The following OMA1 variants were observed in gnomAD, a reference collection of about 807,000 sequenced individuals.
OMA1 encodes the protein metalloendopeptidase OMA1, mitochondrial.
OMA1 carries 38 observed loss-of-function variants against 30.9 expected under a neutral mutation model. That is an observed-to-expected ratio of 1.23 (90% CI 0.95 to 1.61). The LOEUF (loss-of-function observed/expected upper bound fraction) is 1.61, where lower values mean the gene tolerates loss of function less well. Ranked by LOEUF, OMA1 falls within the 40% of genes most tolerant of loss-of-function variation. OMA1 has a pLI of 0.00. For synonymous variants in OMA1, 173 were observed against 121.9 expected (o/e 1.42, Z -2.76); for missense variants, 461 against 349.2 (o/e 1.32, Z -2.55).
chr1:58,481,616 T>C (rs763575163), intron 8 of OMA1, among the ~76,000 whole-genome samples: 17 of 152,094 alleles, frequency 1.1e-4, no homozygotes, highest in African/African-American at 2.7e-4. Flanking sequence ...TTGGGTAAAA[T>C]TGATGATAAT....
intron 6 of OMA1, among the ~76,000 whole-genome samples, chr1:58,528,637 C>A (rs1247841712): frequency 6.6e-6 from 1 of 152,142 alleles, no homozygotes; most frequent in Non-Finnish European, 1.5e-5. Context: ...ACAACTCCCC[C>A]ACAACAAAGA....
Position 58,494,032 on chromosome 1 carries a change from A to G in OMA1, c.1365+12028T>C, listed in dbSNP as rs570338020. Among the ~76,000 whole-genome samples the G allele has an allele frequency of 1.3e-4, 20 of 152,194 alleles. No individual in the cohort carries two copies. In the East Asian group the frequency reaches 3.9e-3, roughly 29 times the overall value. On this transcript the variant is annotated intron_variant, in intron 8 of 8. Transcript: ENST00000371226. ...ACTTCAAACTATACTACAAGGCTAC[A>G]GTAACCAAAACAGCATGGTACTGGT...
At chr1:58,508,528 G>A (rs1646024529) in intron 7 of OMA1, among the ~76,000 whole-genome samples, 1 of 152,130 alleles carries the variant, frequency 6.6e-6, no homozygotes, top group South Asian at 2.1e-4. Context: ...TAATCTGCGA[G>A]AGCAATTATG....
chr1:58,523,516 T>G (rs1365422717), intron 7 of OMA1, among the ~76,000 whole-genome samples: 1 of 152,148 alleles, frequency 6.6e-6, no homozygotes, highest in Non-Finnish European at 1.5e-5. Context: ...CTAGGAATGT[T>G]GTGTTTGGGG....
chr1:58,533,969 G>C lies in OMA1; in HGVS notation c.995C>G (p.Ala332Gly), dbSNP rs779130769. Residue 332 changes from alanine to glycine, a missense_variant, in exon 5 of 9, where the codon GCA becomes GGA. Transcript: ENST00000371226. ...SFLLGHEIAHAVLGHAAEKAG... is the reference protein window; with the variant it reads ...SFLLGHEIAHGVLGHAAEKAG... The stretch of plus-strand genomic sequence containing the variant: ...GGTACTTACAGCATGCCCAAGTACT[G>C]CATGTGCTATTTCATGGCCCAGAAG... The C allele has an allele frequency of 1.1e-6, 1 of 872,238 alleles. No individual in the cohort carries two copies. Among genetic ancestry groups the C allele is most frequent in the Non-Finnish European group, 2.0e-6 (1 of 501,490 alleles). The allele number at this position is 872,238 out of a possible 1,614,324, so 54.0% of individuals were successfully genotyped here.
intron 8 of OMA1, among the ~76,000 whole-genome samples, chr1:58,499,218 C>T (rs1192056000): frequency 6.7e-6 from 1 of 149,622 alleles, no homozygotes; most frequent in Non-Finnish European, 1.5e-5. Context: ...ATAATGATTA[C>T]CACAGGCTGG....
chr1:58,501,880 T>C (rs1282950178), intron 8 of OMA1, among the ~76,000 whole-genome samples: 1 of 152,122 alleles, frequency 6.6e-6, no homozygotes, highest in Non-Finnish European at 1.5e-5. Context: ...ATAGGATTAG[T>C]AGCTTTATAA....
chr1:58,501,177 T>G (rs1645900706), intron 8 of OMA1, among the ~76,000 whole-genome samples: 1 of 152,218 alleles, frequency 6.6e-6, no homozygotes, highest in African/African-American at 2.4e-5. Flanking sequence ...TTTTAAATGC[T>G]AATGGATCAC....
intron 7 of OMA1, among the ~76,000 whole-genome samples, chr1:58,506,985 G>T (rs866342612): frequency 3.3e-5 from 5 of 152,000 alleles, no homozygotes; most frequent in African/African-American, 1.2e-4. Context: ...GTATATACTT[G>T]TATATGCACA....
At chr1:58,489,393 G>A (rs933880824) in intron 8 of OMA1, among the ~76,000 whole-genome samples, 8 of 152,224 alleles carry the variant, frequency 5.3e-5, no homozygotes, top group African/African-American at 1.9e-4. Flanking sequence ...CGAGGCTGGG[G>A]GAGGGGTGCC....
intron 7 of OMA1, among the ~76,000 whole-genome samples, chr1:58,526,730 C>T (rs1646355930): frequency 6.6e-6 from 1 of 151,996 alleles, no homozygotes; most frequent in African/African-American, 2.4e-5. Context: ...ATCAACCTAT[C>T]TTCAAGTGGG....
At chr1:58,496,676 T>C (rs1279234880) in intron 8 of OMA1, among the ~76,000 whole-genome samples, 1 of 152,208 alleles carries the variant, frequency 6.6e-6, no homozygotes, top group African/African-American at 2.4e-5. Context: ...ATTTTTCCTT[T>C]CAACTCTGTT....
chr1:58,529,980 A>T (rs375696300), intron 6 of OMA1, among the ~76,000 whole-genome samples: 1 of 152,080 alleles, frequency 6.6e-6, no homozygotes, highest in African/African-American at 2.4e-5. Context: ...TCCTGGGTTC[A>T]CGCCATTCTC....
chr1:58,529,919 C>T (rs779178325), intron 6 of OMA1, among the ~76,000 whole-genome samples: 1 of 151,878 alleles, frequency 6.6e-6, no homozygotes, highest in Non-Finnish European at 1.5e-5. Flanking sequence ...CTCACTCTGT[C>T]GCCCAGGCTG....
intron 1 of OMA1, among the ~76,000 whole-genome samples, chr1:58,539,950 T>C (rs1339995175): frequency 1.3e-5 from 2 of 152,126 alleles, no homozygotes. Flanking sequence ...GAAATAACTC[T>C]AGAGTTCTGC....
chr1:58,515,613 A>G (rs575899158), intron 7 of OMA1, among the ~76,000 whole-genome samples: 2 of 152,328 alleles, frequency 1.3e-5, no homozygotes, highest in South Asian at 2.1e-4. Context: ...CAACATACCT[A>G]TTAAATAAGA....
At chr1:58,484,958 A>C (rs1286952941) in intron 8 of OMA1, among the ~76,000 whole-genome samples, 1 of 152,130 alleles carries the variant, frequency 6.6e-6, no homozygotes. Flanking sequence ...ACTACTCTGC[A>C]TGATGCTATA....
intron 8 of OMA1, among the ~76,000 whole-genome samples, chr1:58,493,477 G>A (rs1645736399): frequency 6.6e-6 from 1 of 151,562 alleles, no homozygotes; most frequent in African/African-American, 2.4e-5. Flanking sequence ...AAGTCAAATT[G>A]TCCCTGTTTG....
At chr1:58,492,512 C>T (rs957159132) in intron 8 of OMA1, among the ~76,000 whole-genome samples, 3 of 152,060 alleles carry the variant, frequency 2.0e-5, no homozygotes, top group African/African-American at 7.3e-5. Context: ...AATTGATAGA[C>T]CACTAGCAAG....
Sources: gnomAD v4.1 joint callset for allele counts (sites outside exome capture counted in the v4.1 genomes callset) on GRCh38, gnomAD v4.1.1 for gene constraint, MANE v1.5 for transcripts, NCBI Gene and HGNC (gene_info 2026-07-23, HGNC 2026-07-21) for gene names.